ADGRL3: variants seen among roughly 807,000 people sequenced by gnomAD.
ADGRL3 encodes adhesion G protein-coupled receptor L3, also known as calcium-independent alpha-latrotoxin receptor 3.
A neutral mutation model predicts 153.5 loss-of-function variants in ADGRL3; 62 were observed. The observed-to-expected ratio is 0.40, with a 90% CI of 0.33 to 0.50. The LOEUF is 0.50. Ranked by LOEUF, ADGRL3 falls within the 20% of genes least tolerant of loss-of-function variation. ADGRL3 has a pLI of 0.47. For synonymous variants in ADGRL3, 710 were observed against 672.5 expected, an observed-to-expected ratio of 1.06 and a Z score of -0.86; for missense variants, 1,641 against 1,859.4, an observed-to-expected ratio of 0.88 and a Z score of 2.16.
At chr4:62,024,902 C>T (rs1717507623) in intron 21 of ADGRL3, among the ~76,000 whole-genome samples, 1 of 148,900 alleles carries the variant, frequency 6.7e-6, no homozygotes, top group Non-Finnish European at 1.5e-5. Context: ...TGCACTTTAA[C>T]CCAGGCGACA....
At chr4:61,438,555 C>G (rs1272313667) in intron 2 of ADGRL3, among the ~76,000 whole-genome samples, 12 of 151,692 alleles carry the variant, frequency 7.9e-5, no homozygotes, top group Middle Eastern at 6.8e-3. Flanking sequence ...TATTTAACTC[C>G]CATAGAAGAG....
At chr4:62,007,447 C>CAT (rs539213045) in intron 21 of ADGRL3, among the ~76,000 whole-genome samples, 5 of 125,270 alleles carry the variant, frequency 4.0e-5, no homozygotes. Context: ...TATACACACA[C>CAT]ATATATATAC....
At chr4:61,711,309 T>C (rs2095976841) in intron 6 of ADGRL3, among the ~76,000 whole-genome samples, 1 of 151,548 alleles carries the variant, frequency 6.6e-6, no homozygotes, top group South Asian at 2.1e-4. Flanking sequence ...ATAAATGATG[T>C]TTAGTTTGCA....
chr4:61,992,860 A>G (rs536244306), intron 19 of ADGRL3, among the ~76,000 whole-genome samples: 2 of 152,336 alleles, frequency 1.3e-5, no homozygotes, highest in Non-Finnish European at 2.9e-5. Context: ...GCAAGGCTAT[A>G]ATTTTACTTT....
At chr4:61,568,929 G>A (rs1290819108) in intron 4 of ADGRL3, among the ~76,000 whole-genome samples, 11 of 152,160 alleles carry the variant, frequency 7.2e-5, no homozygotes, top group Middle Eastern at 3.4e-3. Flanking sequence ...TCTATGGATC[G>A]TGACTAATGG....
intron 1 of ADGRL3, among the ~76,000 whole-genome samples, chr4:61,251,732 G>A (rs549138923): frequency 2.7e-5 from 4 of 150,192 alleles, no homozygotes; most frequent in East Asian, 2.0e-4. Context: ...TTTAATCCTA[G>A]ATTTTCATCT....
Position 62,070,508 on chromosome 4 carries a change from C to A in ADGRL3, c.4232C>A (p.Thr1411Asn), listed in dbSNP as rs752482558. 8 of 1,551,274 alleles carry A rather than the reference C, an allele frequency of 5.2e-6. No individual in the cohort carries two copies. In the South Asian group the frequency reaches 9.5e-5, roughly 18 times the overall value. Residue 1411 changes from threonine to asparagine, a missense_variant, in exon 27 of 27, where the codon ACC becomes AAC. Physicochemically the swap from Thr to Asn is moderately conservative, Grantham distance 65. This residue lies in a region of ADGRL3 where 517 missense variants were observed against 555.0 expected (regional missense o/e 0.93). Transcript: ENST00000683033. ...APLLPPRVYS[T>N]ENHQPHHYTR... ...TTGCTGCCCCCAAGAGTATACTCCA[C>A]CGAGAACCACCAGCCACACCATTAT...
At chr4:61,846,867 A>G (rs2098122365) in intron 9 of ADGRL3, among the ~76,000 whole-genome samples, 1 of 151,824 alleles carries the variant, frequency 6.6e-6, no homozygotes, top group Non-Finnish European at 1.5e-5. Flanking sequence ...GAGAGGTGCC[A>G]CATGCTTTCA....
intron 1 of ADGRL3, among the ~76,000 whole-genome samples, chr4:61,238,246 G>C (rs1260784159): frequency 9.2e-5 from 14 of 152,128 alleles, no homozygotes; most frequent in Admixed American, 9.2e-4. Flanking sequence ...CTTTATGAGA[G>C]AGGTTTAAAA....
chr4:61,450,821 A>C (rs1484228788), intron 2 of ADGRL3, among the ~76,000 whole-genome samples: 1 of 152,134 alleles, frequency 6.6e-6, no homozygotes, highest in Non-Finnish European at 1.5e-5. Flanking sequence ...ACCACGTGAA[A>C]AATATTCTAA....
chr4:61,819,908 T>C (rs1295048762), intron 9 of ADGRL3, among the ~76,000 whole-genome samples: 1 of 152,150 alleles, frequency 6.6e-6, no homozygotes, highest in Non-Finnish European at 1.5e-5. Flanking sequence ...ATTATATACA[T>C]ATATAAAATC....
intron 2 of ADGRL3, among the ~76,000 whole-genome samples, chr4:61,423,196 T>C (rs2097229772): frequency 6.6e-6 from 1 of 152,184 alleles, no homozygotes; most frequent in South Asian, 2.1e-4. Context: ...TACAGCAAGA[T>C]GAGAAGATTC....
At chr4:62,032,583 A>T (rs556966586) in intron 23 of ADGRL3, among the ~76,000 whole-genome samples, 17 of 151,798 alleles carry the variant, frequency 1.1e-4, no homozygotes, top group Middle Eastern at 3.4e-3. Context: ...ATGAAATAGA[A>T]AATTATGTTT....
Position 62,075,786 on chromosome 4 carries a change from A to C in ADGRL3, c.*4878A>C, listed in dbSNP as rs1746953022. Reference sequence around the variant, plus strand: ...CATAAGAAGCTTTTCTGAGCTCATAAAATATATTCAATGGATCCCAACATT... The same window carrying C: ...CATAAGAAGCTTTTCTGAGCTCATACAATATATTCAATGGATCCCAACATT... On this transcript the variant is annotated 3_prime_UTR_variant, in exon 27 of 27. Transcript: ENST00000683033. The C allele has an allele frequency of 6.6e-6, 1 of 152,198 alleles. No individual in the cohort carries two copies. Among genetic ancestry groups the C allele is most frequent in the Non-Finnish European group, 1.5e-5 (1 of 68,032 alleles). The allele number at this position is 152,198 out of a possible 1,614,324, so 9.4% of individuals were successfully genotyped here.
chr4:61,246,881 A>C (rs1757313055), intron 1 of ADGRL3, among the ~76,000 whole-genome samples: 1 of 151,974 alleles, frequency 6.6e-6, no homozygotes, highest in African/African-American at 2.4e-5. Flanking sequence ...AATAAATGCT[A>C]AGATTTACTA....
At chr4:61,471,069 CTGA>C (rs945185218) in intron 2 of ADGRL3, among the ~76,000 whole-genome samples, 63 of 151,850 alleles carry the variant, frequency 4.1e-4, no homozygotes, top group African/African-American at 1.5e-3. Context: ...TTTTAACAGG[CTGA>C]TATTTTACTT....
intron 23 of ADGRL3, 42 bp from the exon 24 acceptor site, chr4:62,037,689 A>C: frequency 6.2e-7 from 1 of 1,611,280 alleles, no homozygotes; most frequent in South Asian, 1.1e-5. Flanking sequence ...TCCTACCTGC[A>C]ATGAATTACT....
chr4:61,409,324 C>T (rs1560587376), intron 2 of ADGRL3, among the ~76,000 whole-genome samples: 1 of 130,790 alleles, frequency 7.6e-6, no homozygotes, highest in Non-Finnish European at 1.6e-5. Context: ...ATATATTAGA[C>T]ATATATATTA....
intron 8 of ADGRL3, among the ~76,000 whole-genome samples, chr4:61,768,121 G>A (rs925039693): frequency 3.4e-4 from 52 of 152,184 alleles, no homozygotes; most frequent in African/African-American, 1.1e-3. Flanking sequence ...GAGCCTAAAC[G>A]CTATCTGATT....
Sources: allele counts gnomAD v4.1 joint callset (sites outside exome capture counted in the v4.1 genomes callset), GRCh38; gene constraint gnomAD v4.1.1; regional missense constraint gnomAD v4.1.1; transcripts MANE v1.5; gene names NCBI Gene and HGNC (gene_info 2026-07-23, HGNC 2026-07-21).